PTPRE: variants seen among roughly 807,000 people sequenced by gnomAD.
PTPRE encodes receptor-type tyrosine-protein phosphatase epsilon.
In PTPRE, 51 loss-of-function variants were observed where a neutral mutation model predicts 102.0. The ratio of observed to expected loss-of-function variants is 0.50; its 90% CI spans 0.40 to 0.63. The LOEUF is 0.63. Among genes scored for constraint, PTPRE ranks in the 30% least tolerant of loss-of-function variants. The pLI is 0.00. For missense variants in PTPRE, 752 were observed against 915.1 expected, an observed-to-expected ratio of 0.82 and a Z score of 2.30; for synonymous variants, 345 against 348.2, an observed-to-expected ratio of 0.99 and a Z score of 0.10.
intron 1 of PTPRE, among the ~76,000 whole-genome samples, chr10:127,969,788 A>G (rs1927161): frequency 0.54 from 82,413 of 151,790 alleles, 22,634 homozygotes; most frequent in South Asian, 0.63. Flanking sequence ...AAAATTATAC[A>G]TCTGGAGAAT....
chr10:128,029,496 G>A (rs1181709004), intron 2 of PTPRE, among the ~76,000 whole-genome samples: 2 of 152,098 alleles, frequency 1.3e-5, no homozygotes, highest in Admixed American at 6.5e-5. Context: ...CCCTGACCTC[G>A]GCTACAGCAG....
chr10:128,037,093 G>C (rs1343276070), intron 2 of PTPRE, among the ~76,000 whole-genome samples: 1 of 152,218 alleles, frequency 6.6e-6, no homozygotes, highest in Non-Finnish European at 1.5e-5. Context: ...ACAGGAGTGG[G>C]CATCATTCCT....
At chr10:127,950,887 G>A (rs1378389558) in intron 1 of PTPRE, among the ~76,000 whole-genome samples, 1 of 150,778 alleles carries the variant, frequency 6.6e-6, no homozygotes, top group African/African-American at 2.4e-5. Context: ...ACTAGGTCAG[G>A]AGATAGAGAC....
In PTPRE at chr10:127,982,248, C is replaced by CT. The variant is rs533069009; in HGVS notation, c.-30-17dup. The CT allele has an allele frequency of 1.8e-4, 229 of 1,248,468 alleles. 1 individual carries two copies. Among genetic ancestry groups the CT allele is most frequent in the Middle Eastern group, 1.5e-3 (7 of 4,586 alleles). The allele number at this position is 1,248,468 out of a possible 1,614,324, so 77.3% of individuals were successfully genotyped here. A position where few individuals can be genotyped will look rare whatever the true frequency, so the allele number is the denominator to read the frequency against. On this transcript the variant is annotated intron_variant, in intron 1 of 20. Transcript: ENST00000254667. Reference sequence around the variant, plus strand: ...CAACTCCTGTTAACCAGAAAACTGACTTTTTTTTTCTTCTTTCTTCTTCAG... The same window carrying CT: ...CAACTCCTGTTAACCAGAAAACTGACTTTTTTTTTTCTTCTTTCTTCTTCAG...
rs769780836 is a variant in PTPRE, at chr10:128,040,875, G to A, written c.-7G>A. 6.2e-7 allele frequency: 1 copy of A among 1,613,460 alleles called. No homozygotes were observed. Reference sequence around the variant, plus strand: ...TGAGCCTGTCCCTGCCTCTCTGCAGGTCCACCATGGAGCCCTTGTGTCCAC... The same window carrying A: ...TGAGCCTGTCCCTGCCTCTCTGCAGATCCACCATGGAGCCCTTGTGTCCAC... On this transcript the variant is annotated splice_region_variant and 5_prime_UTR_variant, in exon 3 of 21. Coordinates refer to ENST00000254667, the MANE Select transcript of PTPRE (RefSeq NM_006504.6).
chr10:128,018,495 T>C (rs997232214), intron 2 of PTPRE, among the ~76,000 whole-genome samples: 1 of 152,216 alleles, frequency 6.6e-6, no homozygotes, highest in African/African-American at 2.4e-5. Flanking sequence ...AAAATCTATA[T>C]TCGTGAGGCT....
intron 1 of PTPRE, among the ~76,000 whole-genome samples, chr10:127,979,977 C>G (rs986768701): frequency 6.6e-6 from 1 of 152,186 alleles, no homozygotes; most frequent in African/African-American, 2.4e-5. Context: ...CTGGCTTCTT[C>G]CCTTGCTTGG....
Position 128,040,972 on chromosome 10 carries a change from G to A in PTPRE, c.91G>A (p.Glu31Lys), listed in dbSNP as rs772328329. The change falls in exon 3 of 21, where the codon GAG becomes AAG. Residue 31 changes from glutamate (E) to lysine (K), a missense_variant. Around this residue, in one of 2 missense-constraint regions of PTPRE, gnomAD observed 116 missense variants for 90.8 expected, o/e 1.28. Coordinates refer to ENST00000254667, the MANE Select transcript of PTPRE (RefSeq NM_006504.6). ...RGNETTADSN[E>K]TTTTSGPPDP... is the part of the protein sequence containing the mutation. ...CAACGAGACCACTGCCGACAGCAAC[G>A]AGACAACCACGACCTCAGGTAAGGA... is the stretch of plus-strand genomic sequence containing the variant. The A allele has an allele frequency of 4.9e-5, 79 of 1,613,904 alleles. No individual in the cohort carries two copies. Among genetic ancestry groups the A allele is most frequent in the East Asian group, 1.3e-4 (6 of 44,884 alleles).
chr10:128,046,346 G>A (rs1053845825), intron 3 of PTPRE, among the ~76,000 whole-genome samples: 15 of 152,294 alleles, frequency 9.8e-5, no homozygotes, highest in Non-Finnish European at 1.9e-4. Flanking sequence ...AGGAGGAAGC[G>A]CATGGACCCT....
chr10:128,003,640 G>T (rs1854208802), intron 2 of PTPRE, among the ~76,000 whole-genome samples: 1 of 152,166 alleles, frequency 6.6e-6, no homozygotes. Flanking sequence ...GCGGACATCA[G>T]GCTCTGGAAT....
At chr10:127,984,043 G>A (rs1267735763) in intron 2 of PTPRE, among the ~76,000 whole-genome samples, 1 of 151,414 alleles carries the variant, frequency 6.6e-6, no homozygotes, top group Non-Finnish European at 1.5e-5. Flanking sequence ...CCCTTTTCCT[G>A]GCCCCACCCT....
chr10:127,949,128 C>T (rs1392759950), intron 1 of PTPRE, among the ~76,000 whole-genome samples: 1 of 152,226 alleles, frequency 6.6e-6, no homozygotes, highest in African/African-American at 2.4e-5. Context: ...TTCACCAACA[C>T]CTTCGCTGGT....
chr10:127,909,102 C>T (rs1379655533), intron 1 of PTPRE, among the ~76,000 whole-genome samples: 1 of 152,228 alleles, frequency 6.6e-6, no homozygotes, highest in Non-Finnish European at 1.5e-5. Flanking sequence ...AGATGCGCTC[C>T]CTGTGTCAGC....
At chr10:128,015,356 C>A (rs1004990051) in intron 2 of PTPRE, among the ~76,000 whole-genome samples, 1 of 151,740 alleles carries the variant, frequency 6.6e-6, no homozygotes, top group African/African-American at 2.4e-5. Context: ...CCAGCCTGGA[C>A]AACATAGGAA....
At chr10:127,922,753 G>A (rs943599639) in intron 1 of PTPRE, among the ~76,000 whole-genome samples, 21 of 152,246 alleles carry the variant, frequency 1.4e-4, no homozygotes, top group African/African-American at 4.3e-4. Context: ...ATACCAAGGT[G>A]GGTGGGCTGA....
intron 2 of PTPRE, among the ~76,000 whole-genome samples, chr10:128,031,155 C>T (rs1010388635): frequency 6.6e-6 from 1 of 152,244 alleles, no homozygotes; most frequent in African/African-American, 2.4e-5. Context: ...ACTCTTGAGT[C>T]TACAGTCTCC....
At chr10:127,912,611 G>A (rs188013809) in intron 1 of PTPRE, among the ~76,000 whole-genome samples, 11 of 152,366 alleles carry the variant, frequency 7.2e-5, no homozygotes, top group African/African-American at 1.2e-4. Context: ...TGGGTGGAGA[G>A]TAAAGAATTG....
chr10:128,015,460 G>A (rs1421892150), intron 2 of PTPRE, among the ~76,000 whole-genome samples: 1 of 152,044 alleles, frequency 6.6e-6, no homozygotes, highest in Non-Finnish European at 1.5e-5. Context: ...TCCGCCTCCT[G>A]GGTTCACACC....
At chr10:127,993,768 G>GGTGTGTGT (rs142298818) in intron 2 of PTPRE, among the ~76,000 whole-genome samples, 31,270 of 150,512 alleles carry the variant, frequency 0.21, 3,212 homozygotes, top group Non-Finnish European at 0.22. Context: ...CTTTCATAGT[G>GGTGTGTGT]GTGTGTGTGT....
Sources: gnomAD v4.1 joint callset for allele counts (sites outside exome capture counted in the v4.1 genomes callset) on GRCh38, gnomAD v4.1.1 for gene constraint, gnomAD v4.1.1 regional missense constraint, MANE v1.5 for transcripts, NCBI Gene and HGNC (gene_info 2026-07-23, HGNC 2026-07-21) for gene names.